Variants in UBR2 observed in about 807,000 individuals in gnomAD.
The protein encoded by UBR2 is ubiquitin protein ligase E3 component n-recognin 2, also known as E3 ubiquitin-protein ligase UBR2.
A neutral mutation model predicts 247.9 loss-of-function variants in UBR2; 92 were observed. The observed-to-expected ratio is 0.37, with a 90% CI of 0.31 to 0.44. The LOEUF is 0.44. Among genes scored for constraint, UBR2 ranks in the 20% least tolerant of loss-of-function variants. The pLI is 1.00. For synonymous variants in UBR2, 672 were observed against 693.5 expected (o/e 0.97, Z 0.49); for missense variants, 1,613 against 2,112.6 (o/e 0.76, Z 4.64).
At chr6:42,576,372 AT>A (rs1160966460) in intron 2 of UBR2, among the ~76,000 whole-genome samples, 1 of 151,854 alleles carries the variant, frequency 6.6e-6, no homozygotes, top group Non-Finnish European at 1.5e-5. Flanking sequence ...AGAAAACCTG[AT>A]TCTCATTTTC....
In UBR2 at chr6:42,584,275, C is replaced by T. The variant is rs189511156; in HGVS notation, c.339-7876C>T. Among the ~76,000 whole-genome samples, 27 of 152,236 alleles carry T rather than the reference C, an allele frequency of 1.8e-4. No homozygotes were observed. In the East Asian group the frequency reaches 3.9e-3, roughly 22 times the overall value. On this transcript the variant is annotated intron_variant, in intron 2 of 46. Transcript: ENST00000372901. ...CCTCCCAAAGTACTGAGATTACAGG[C>T]GTGAGCCACCTGCACCTGGTTGAGT...
intron 4 of UBR2, among the ~76,000 whole-genome samples, chr6:42,595,056 G>T (rs1033260771): frequency 1.3e-5 from 2 of 152,102 alleles, no homozygotes; most frequent in African/African-American, 2.4e-5. Flanking sequence ...TGATATTTAT[G>T]GGGCACAGTG....
Position 42,689,610 on chromosome 6 carries a change from A to G in UBR2, c.5066A>G (p.Lys1689Arg), listed in dbSNP as rs772718422. 6.2e-7 allele frequency: 1 copy of G among 1,614,164 alleles called. No individual in the cohort carries two copies. The highest frequency in any genetic ancestry group is 1.1e-5 in the South Asian group (1 of 91,090). ...GTGCTATTTTTAGCTGGCAAAACCA[A>G]AGGCTGTTTTTATTCTCCTCCTTAC... ...CQVLFLAGKT[K>R]GCFYSPPYLD... Residue 1689 changes from lysine to arginine, a missense_variant, in exon 46 of 47, where the codon AAA (lysine) becomes AGA (arginine). By Grantham distance (26) the Lys-to-Arg change is conservative. This residue lies in a region of UBR2 where 80 missense variants were observed against 108.6 expected (regional missense o/e 0.74). Transcript: ENST00000372901. The surrounding 1 kb of genome is among the most constrained non-coding windows in gnomAD (Gnocchi z 4.0).
chr6:42,666,059 A>G (rs1798089746), intron 33 of UBR2, 108 bp from the exon 34 acceptor site: 2 of 875,132 alleles, frequency 2.3e-6, no homozygotes, highest in Admixed American at 2.8e-5. Flanking sequence ...GCCAGTTTTT[A>G]TTAGGGAATT....
intron 42 of UBR2, among the ~76,000 whole-genome samples, chr6:42,681,949 C>T (rs1799081682): frequency 6.6e-6 from 1 of 152,160 alleles, no homozygotes; most frequent in Admixed American, 6.5e-5. Context: ...TGGTGCACGC[C>T]TGTAGTCCCA....
intron 35 of UBR2, 95 bp from the exon 36 acceptor site, chr6:42,670,565 T>C: frequency 1.2e-6 from 1 of 846,142 alleles, no homozygotes; most frequent in South Asian, 2.1e-5. Context: ...TATTGTACTT[T>C]CTGTAGGATT....
At chr6:42,674,236 G>T (rs1372132252) in intron 38 of UBR2, 43 bp downstream of exon 38, 1 of 1,589,658 alleles carries the variant, frequency 6.3e-7, no homozygotes. Context: ...GTCATACTAT[G>T]TAACTTTACC....
At position 42,659,781 on chromosome 6, in the gene UBR2, C is replaced by T; in HGVS notation, c.3368C>T (p.Ala1123Val). Residue 1123 changes from alanine to valine, a missense_variant, in exon 30 of 47, where the codon GCA (alanine) becomes GTA (valine). Transcript: ENST00000372901. The surrounding 1 kb of genome is among the most constrained non-coding windows in gnomAD (Gnocchi z 4.3). ...CAAGAAGTTAAAGTGGAAAGCAGGGCAATGGTCTTGGCAGCATTTGTTCAG... is the reference window on the plus strand; with the variant it reads ...CAAGAAGTTAAAGTGGAAAGCAGGGTAATGGTCTTGGCAGCATTTGTTCAG... The part of the protein sequence containing the change: ...EEQEVKVESR[A>V]MVLAAFVQRS... The T allele has an allele frequency of 6.2e-7, 1 of 1,614,108 alleles. No homozygotes were observed. The highest frequency in any genetic ancestry group is 8.5e-7 in the Non-Finnish European group (1 of 1,180,020).
intron 11 of UBR2, chr6:42,619,443 A>AT (rs1378166581): frequency 1.7e-4 from 5 of 29,352 alleles, no homozygotes; most frequent in East Asian, 3.5e-3. Context: ...ATATATATAT[A>AT]TATATATATA....
At chr6:42,571,353 A>G (rs1791128084) in intron 1 of UBR2, among the ~76,000 whole-genome samples, 1 of 152,036 alleles carries the variant, frequency 6.6e-6, no homozygotes, top group East Asian at 1.9e-4. Context: ...AAATATAAGG[A>G]AAAAAACTGG....
intron 3 of UBR2, 40 bp downstream of exon 3, chr6:42,592,269 T>C: frequency 7.3e-7 from 1 of 1,365,368 alleles, no homozygotes; most frequent in African/African-American, 1.5e-5. Context: ...CAGTATTGCA[T>C]TTTATAATAA....
intron 11 of UBR2, among the ~76,000 whole-genome samples, chr6:42,631,860 T>TATATATA (rs1795733597): frequency 3.3e-5 from 2 of 61,504 alleles, no homozygotes; most frequent in African/African-American, 5.0e-5. Flanking sequence ...TACTCTGATT[T>TATATATA]TATATATATA....
chr6:42,584,058 C>T (rs1283373366), intron 2 of UBR2, among the ~76,000 whole-genome samples: 10 of 146,052 alleles, frequency 6.8e-5, no homozygotes, highest in African/African-American at 2.5e-4. Flanking sequence ...AGTGTAATGG[C>T]GCTATCTCAG....
chr6:42,652,220 A>G, intron 24 of UBR2, 149 bp downstream of exon 24: 1 of 855,030 alleles, frequency 1.2e-6, no homozygotes, highest in Non-Finnish European at 1.8e-6. Flanking sequence ...GGAATAATAA[A>G]TATGTTAACA....
intron 2 of UBR2, among the ~76,000 whole-genome samples, chr6:42,585,890 C>T (rs2151912578): frequency 6.6e-6 from 1 of 151,946 alleles, no homozygotes; most frequent in East Asian, 1.9e-4. Context: ...TTGATTTCTA[C>T]TCTTATTATT....
intron 14 of UBR2, among the ~76,000 whole-genome samples, 170 bp downstream of exon 14, chr6:42,635,716 C>T (rs1322222015): frequency 6.6e-6 from 1 of 152,148 alleles, no homozygotes; most frequent in Non-Finnish European, 1.5e-5. Flanking sequence ...TAAAATTCTA[C>T]AGCCTGAGGA....
intron 2 of UBR2, among the ~76,000 whole-genome samples, chr6:42,578,280 A>G (rs73436691): frequency 0.022 from 3,322 of 152,254 alleles, 112 homozygotes; most frequent in African/African-American, 0.075. Flanking sequence ...AATGCTTTCA[A>G]GGTTCACCAC....
At chr6:42,677,088 C>T (rs1798759691) in intron 40 of UBR2, among the ~76,000 whole-genome samples, 3 of 152,170 alleles carry the variant, frequency 2.0e-5, no homozygotes, top group African/African-American at 7.2e-5. Flanking sequence ...GAGCTTCCCA[C>T]ATTTATTTGG....
intron 11 of UBR2, among the ~76,000 whole-genome samples, chr6:42,630,031 G>C (rs576857560): frequency 6.6e-6 from 1 of 151,910 alleles, no homozygotes; most frequent in East Asian, 1.9e-4. Context: ...CAAGTAGCTG[G>C]AACTATAGAC....
Sources: allele counts gnomAD v4.1 joint callset (sites outside exome capture counted in the v4.1 genomes callset), GRCh38; gene constraint gnomAD v4.1.1; regional missense constraint gnomAD v4.1.1; non-coding constraint Gnocchi (gnomAD v3.1); transcripts MANE v1.5; gene names NCBI Gene and HGNC (gene_info 2026-07-23, HGNC 2026-07-21).